Variants in EDNRA observed in about 807,000 individuals in gnomAD.
EDNRA encodes endothelin-1 receptor.
EDNRA carries 11 observed loss-of-function variants against 41.4 expected under a neutral mutation model. That is an observed-to-expected ratio of 0.27 (90% CI 0.17 to 0.44). The LOEUF is 0.44. Ranked by LOEUF, EDNRA falls within the 20% of genes least tolerant of loss-of-function variation. The pLI, the probability that EDNRA is intolerant of heterozygous loss-of-function variation, is 1.00. For missense variants in EDNRA, 294 were observed against 531.0 expected, an observed-to-expected ratio of 0.55 and a Z score of 4.39; for synonymous variants, 172 against 183.0, an observed-to-expected ratio of 0.94 and a Z score of 0.49.
chr4:147,530,464 A>C (rs1181198382), intron 3 of EDNRA, among the ~76,000 whole-genome samples: 6 of 152,238 alleles, frequency 3.9e-5, no homozygotes, highest in Non-Finnish European at 8.8e-5. Context: ...ATATCATAAA[A>C]GGATTTTCTT....
At chr4:147,514,565 C>G (rs560749062) in intron 2 of EDNRA, among the ~76,000 whole-genome samples, 1 of 152,180 alleles carries the variant, frequency 6.6e-6, no homozygotes, top group East Asian at 1.9e-4. Context: ...ACTTTGCCTC[C>G]CAGGTTCAAG....
In EDNRA at chr4:147,544,501, G is replaced by A. The variant is rs1160747463; in HGVS notation, c.*1883G>A. ...AGACAGATTGCTGATAATAAATTAGGTAAGATAATTTGTTGGGCCATATTT... is the reference window on the plus strand; with the variant it reads ...AGACAGATTGCTGATAATAAATTAGATAAGATAATTTGTTGGGCCATATTT... On this transcript the variant is annotated 3_prime_UTR_variant, in exon 8 of 8. Coordinates refer to ENST00000651419, the MANE Select transcript of EDNRA (RefSeq NM_001957.4). 2 of 152,564 alleles carry A rather than the reference G, an allele frequency of 1.3e-5. No homozygotes were observed. The highest frequency in any genetic ancestry group is 2.9e-5 in the Non-Finnish European group (2 of 68,044). The allele number at this position is 152,564 out of a possible 1,614,324, so 9.5% of individuals were successfully genotyped here. A position where few individuals can be genotyped will look rare whatever the true frequency, so the allele number is the denominator to read the frequency against.
chr4:147,503,316 G>C (rs550748355), intron 2 of EDNRA, among the ~76,000 whole-genome samples: 200 of 152,114 alleles, frequency 1.3e-3, no homozygotes, highest in African/African-American at 4.4e-3. Flanking sequence ...GAATACCTTG[G>C]TTGCAAGTCT....
chr4:147,526,711 G>T (rs914179163), intron 3 of EDNRA, among the ~76,000 whole-genome samples: 1 of 152,192 alleles, frequency 6.6e-6, no homozygotes, highest in South Asian at 2.1e-4. Context: ...TTAGGAGGCC[G>T]AAGCAGGAGG....
rs1343329605 is a variant in EDNRA, at chr4:147,542,551, A to C, written c.1217A>C (p.Gln406Pro). Residue 406 changes from glutamine to proline, a missense_variant, in exon 8 of 8, where the codon CAG (glutamine) becomes CCG (proline). By Grantham distance (76) the Gln-to-Pro change is moderately conservative (BLOSUM62 -1). Around this residue, in one of 3 missense-constraint regions of EDNRA, gnomAD observed 185 missense variants for 390.8 expected, o/e 0.47. Coordinates refer to ENST00000651419, the MANE Select transcript of EDNRA (RefSeq NM_001957.4). ...GTCCCCATGAACGGAACAAGCATCC[A>C]GTGGAAGAACCACGATCAAAACAAC... ...TSVPMNGTSI[Q>P]WKNHDQNNHN... The C allele has an allele frequency of 6.2e-7, 1 of 1,614,076 alleles. No individual in the cohort carries two copies. Among genetic ancestry groups the C allele is most frequent in the Non-Finnish European group, 8.5e-7 (1 of 1,180,032 alleles).
At chr4:147,521,677 T>G (rs1048714046) in intron 3 of EDNRA, among the ~76,000 whole-genome samples, 2 of 152,198 alleles carry the variant, frequency 1.3e-5, no homozygotes, top group African/African-American at 4.8e-5. Flanking sequence ...ACAAGTAAAA[T>G]TTTTCCTGTA....
In EDNRA at chr4:147,511,986, G is replaced by T. The variant is rs865955863; in HGVS notation, c.421-7865G>T. ...TTTTCTCCATTCCATGAAAACCAGG[G>T]TCTTTCTTTCTAGCATGAATCTCCT... is the stretch of plus-strand genomic sequence containing the variant. On this transcript the variant is annotated intron_variant, in intron 2 of 7. Transcript: ENST00000651419. 2.0e-5 allele frequency among the ~76,000 whole-genome samples: 3 copies of T among 152,218 alleles called. No individual in the cohort carries two copies. The South Asian group carries it at 6.2e-4, about 32-fold the overall frequency.
intron 3 of EDNRA, chr4:147,531,853 A>T (rs1485160772): frequency 6.6e-6 from 1 of 151,114 alleles, no homozygotes; most frequent in East Asian, 1.9e-4. Flanking sequence ...AAAAATACAA[A>T]AACAAAATTA....
Position 147,544,831 on chromosome 4 carries a change from A to ATAT in EDNRA, c.*2215_*2217dup, listed in dbSNP as rs1731235094. 1 of 152,664 alleles carries ATAT rather than the reference A, an allele frequency of 6.6e-6. No individual in the cohort carries two copies. 9.5% of individuals were successfully genotyped at this position (152,664 alleles called of 1,614,324 possible). On this transcript the variant is annotated 3_prime_UTR_variant, in exon 8 of 8. Transcript: ENST00000651419. ...AAGTAACTGTGGTTTACTAGCAGGA[A>ATAT]TATTTCCAATTTCTACCTTTACTAC... is the stretch of plus-strand genomic sequence containing the variant.
intron 2 of EDNRA, among the ~76,000 whole-genome samples, chr4:147,501,165 A>G (rs1161469635): frequency 6.6e-6 from 1 of 152,238 alleles, no homozygotes; most frequent in Non-Finnish European, 1.5e-5. Context: ...CTAATGAAGT[A>G]TATTTTTCTT....
intron 3 of EDNRA, among the ~76,000 whole-genome samples, chr4:147,532,149 A>G (rs1730766578): frequency 2.0e-5 from 1 of 50,144 alleles, no homozygotes; most frequent in Non-Finnish European, 3.2e-5. Context: ...CGTCTCTACT[A>G]AAAAAAAAAA....
At chr4:147,496,426 C>T (rs1201363350) in intron 2 of EDNRA, among the ~76,000 whole-genome samples, 1 of 152,184 alleles carries the variant, frequency 6.6e-6, no homozygotes, top group African/African-American at 2.4e-5. Context: ...TATCATTTAA[C>T]AGTCATAATA....
chr4:147,489,394 G>C (rs1397102231), intron 2 of EDNRA: 1 of 152,154 alleles, frequency 6.6e-6, no homozygotes. Context: ...AGTGGAAGTA[G>C]ACTATTTAAA....
chr4:147,541,540 C>T (rs539945783), intron 7 of EDNRA, among the ~76,000 whole-genome samples: 1 of 152,306 alleles, frequency 6.6e-6, no homozygotes, highest in African/African-American at 2.4e-5. Flanking sequence ...CACAGTATCT[C>T]TCTCATAAGG....
Position 147,514,041 on chromosome 4 carries a change from G to A in EDNRA, c.421-5810G>A, listed in dbSNP as rs189571734. On this transcript the variant is annotated intron_variant, in intron 2 of 7. Coordinates refer to ENST00000651419, the MANE Select transcript of EDNRA (RefSeq NM_001957.4). ...GCATAAATGGTACGTTTCAGTTTAC[G>A]ATTACAAATTATAGCAATTCAAAAT... Among the ~76,000 whole-genome samples the A allele has an allele frequency of 8.9e-4, 135 of 152,294 alleles. 2 individuals are homozygous for A. Among genetic ancestry groups the A allele is most frequent in the Non-Finnish European group, 2.1e-4 (14 of 68,020 alleles).
intron 2 of EDNRA, among the ~76,000 whole-genome samples, chr4:147,502,511 G>A (rs1170544831): frequency 6.6e-6 from 1 of 152,132 alleles, no homozygotes; most frequent in African/African-American, 2.4e-5. Context: ...TGATATTTCA[G>A]GTTGAAACCA....
At chr4:147,540,907 C>A (rs546774417) in intron 7 of EDNRA, among the ~76,000 whole-genome samples, 1 of 151,734 alleles carries the variant, frequency 6.6e-6, no homozygotes, top group African/African-American at 2.4e-5. Flanking sequence ...CATGGTGAAA[C>A]CCTGTCTCTA....
chr4:147,513,667 G>T (rs1386865990), intron 2 of EDNRA, among the ~76,000 whole-genome samples: 2 of 152,080 alleles, frequency 1.3e-5, no homozygotes, highest in Non-Finnish European at 2.9e-5. Context: ...CCTGATACCT[G>T]GTCAGTCATG....
chr4:147,520,331 G>A (rs1352602474), intron 3 of EDNRA: 3 of 497,194 alleles, frequency 6.0e-6, no homozygotes, highest in Non-Finnish European at 1.2e-5. Context: ...CATAAAAAAA[G>A]ATACTGTTCA....
Sources: allele counts gnomAD v4.1 joint callset (sites outside exome capture counted in the v4.1 genomes callset), GRCh38; gene constraint gnomAD v4.1.1; regional missense constraint gnomAD v4.1.1; transcripts MANE v1.5; gene names NCBI Gene and HGNC (gene_info 2026-07-23, HGNC 2026-07-21).